IKBKG: variants seen among roughly 807,000 people sequenced by gnomAD.
IKBKG encodes inhibitor of nuclear factor kappa B kinase regulatory subunit gamma.
In IKBKG, 2 loss-of-function variants were observed where a neutral mutation model predicts 13.7. The ratio of observed to expected loss-of-function variants is 0.15; its 90% confidence interval spans 0.06 to 0.46. IKBKG has a LOEUF of 0.46. Among genes scored for constraint, IKBKG ranks in the 20% least tolerant of loss-of-function variants. The pLI is 0.98. For synonymous variants in IKBKG, 22 were observed against 64.4 expected (o/e 0.34, Z 3.15); for missense variants, 53 against 150.3 (o/e 0.35, Z 3.39).
exon 1 of IKBKG, chrX:154,541,280 C>A (rs1557231833): frequency 8.9e-6 from 1 of 112,038 alleles, no homozygotes; most frequent in African/African-American, 3.2e-5. Context: ...TTTGTTCCTG[C>A]TGCTCCCTTT....
upstream of IKBKG, chrX:154,546,005 C>G: frequency 8.3e-7 from 1 of 1,208,588 alleles, no homozygotes; most frequent in Non-Finnish European, 1.1e-6. Flanking sequence ...CACTTCCTGG[C>G]TTTTAAGATT....
At chrX:154,554,817 G>C (rs2071019005) in intron 2 of IKBKG, among the ~76,000 whole-genome samples, 1 of 111,918 alleles carries the variant, frequency 8.9e-6, no homozygotes, top group Admixed American at 9.5e-5. Context: ...ATTCTGATGG[G>C]GGGTGGATGT....
upstream of IKBKG, among the ~76,000 whole-genome samples, chrX:154,543,961 G>A (rs2070607368): frequency 9.4e-6 from 1 of 106,785 alleles, no homozygotes; most frequent in Non-Finnish European, 1.9e-5. Flanking sequence ...TCCGCCTCCC[G>A]AGTTCACGCC....
At chrX:154,551,502 A>G (rs1017808794) in intron 1 of IKBKG, among the ~76,000 whole-genome samples, 19 of 111,362 alleles carry the variant, frequency 1.7e-4, no homozygotes, top group East Asian at 2.8e-4. Context: ...GGGCCCACCC[A>G]CGTCACCCAG....
intron 2 of IKBKG, among the ~76,000 whole-genome samples, chrX:154,554,094 C>T (rs2071002584): frequency 8.8e-6 from 1 of 113,052 alleles, no homozygotes; most frequent in Non-Finnish European, 1.9e-5. Context: ...AACTTGGTAG[C>T]TCCATGTGTC....
chrX:154,545,992 A>G (rs782415403), upstream of IKBKG: 1 of 1,203,690 alleles, frequency 8.3e-7, no homozygotes, highest in African/African-American at 1.8e-5. Context: ...GGCATGGAGC[A>G]GGCACTTCCT....
intron 1 of IKBKG, among the ~76,000 whole-genome samples, chrX:154,551,326 A>G (rs1439844484): frequency 9.0e-6 from 1 of 110,667 alleles, no homozygotes; most frequent in Non-Finnish European, 1.9e-5. Flanking sequence ...CAAAGGCTCT[A>G]AGAGGGCAAT....
intron 1 of IKBKG, among the ~76,000 whole-genome samples, chrX:154,549,510 C>T (rs2070868470): frequency 9.3e-6 from 1 of 108,077 alleles, no homozygotes; most frequent in South Asian, 4.1e-4. Flanking sequence ...GAATTCCTGA[C>T]CTCAAGTGAT....
chrX:154,551,684 G>A (rs897635181), intron 1 of IKBKG, among the ~76,000 whole-genome samples: 2 of 111,209 alleles, frequency 1.8e-5, no homozygotes, highest in Non-Finnish European at 3.8e-5. Flanking sequence ...TAGGGGATCA[G>A]GATTCCCAGC....
intron 1 of IKBKG, among the ~76,000 whole-genome samples, chrX:154,549,602 G>A (rs2070871937): frequency 8.9e-6 from 1 of 111,761 alleles, no homozygotes; most frequent in African/African-American, 3.3e-5. Context: ...TTCAATAACA[G>A]CTTGAGATAT....
At chrX:154,546,300 G>A (rs1258200805), upstream of IKBKG, 1 of 848,446 alleles carries the variant, frequency 1.2e-6, no homozygotes, top group African/African-American at 2.0e-5. Context: ...TGAACGGCTG[G>A]GCATTGGGGA....
upstream of IKBKG, chrX:154,545,854 A>G: frequency 2.0e-6 from 1 of 496,039 alleles, no homozygotes; most frequent in Non-Finnish European, 3.3e-6. Context: ...AAAAAAAAAA[A>G]AAGTCTTGCA....
At chrX:154,552,431 G>A (rs2070959730) in intron 2 of IKBKG, among the ~76,000 whole-genome samples, 1 of 111,817 alleles carries the variant, frequency 8.9e-6, no homozygotes, top group Non-Finnish European at 1.9e-5. Flanking sequence ...GCACGCTGCC[G>A]GGTAGGCTCC....
Position 154,542,177 on chromosome X carries a change from G to A in IKBKG, c.-186-105G>A, listed in dbSNP as rs183383141. ...CCAATGGGGAAGTCAGCCCAGAAAT[G>A]TTCTGAGGAAAGGGGAGGCGGGGGC... On this transcript the variant is annotated intron_variant, in intron 1 of 10. Coordinates refer to the IKBKG transcript ENST00000422680. The A allele has an allele frequency of 3.7e-3, 2,208 of 591,470 alleles. 3 individuals are homozygous for A. The highest frequency in any genetic ancestry group is 5.3e-3 in the Non-Finnish European group (1,941 of 367,815). 48.7% of individuals were successfully genotyped at this position (591,470 alleles called of 1,213,427 possible). A position where few individuals can be genotyped will look rare whatever the true frequency, so the allele number is the denominator to read the frequency against.
At chrX:154,545,735 TGAGGCAGGA>T (rs1412272827), upstream of IKBKG, 2 of 271,878 alleles carry the variant, frequency 7.4e-6, no homozygotes, top group African/African-American at 5.9e-5. Flanking sequence ...CTTGGGGGGC[TGAGGCAGGA>T]GAATCGCTTG....
At chrX:154,547,965 C>T (rs2070800773) in intron 1 of IKBKG, 1 of 753,747 alleles carries the variant, frequency 1.3e-6, no homozygotes, top group Non-Finnish European at 1.6e-6. Flanking sequence ...ACTGCGGGGT[C>T]TGACCCTACT....
At chrX:154,550,260 ATGTGTG>A (rs781959969) in intron 1 of IKBKG, among the ~76,000 whole-genome samples, 3 of 94,091 alleles carry the variant, frequency 3.2e-5, no homozygotes, top group East Asian at 6.6e-4. Context: ...GTGTGTGTGT[ATGTGTG>A]TGTGTGTGTG....
At chrX:154,545,131 G>A (rs964736617), upstream of IKBKG, among the ~76,000 whole-genome samples, 4 of 111,296 alleles carry the variant, frequency 3.6e-5, no homozygotes, top group Admixed American at 9.5e-5. Context: ...AGTCTCGGGC[G>A]ATGGCTGTCC....
chrX:154,543,042 C>A (rs1475042988), upstream of IKBKG, among the ~76,000 whole-genome samples: 3 of 112,114 alleles, frequency 2.7e-5, no homozygotes, highest in Non-Finnish European at 5.6e-5. Context: ...ACCCTGCCTA[C>A]CTCCCGCACC....
Sources: gnomAD v4.1 joint callset for allele counts (sites outside exome capture counted in the v4.1 genomes callset) on GRCh38, gnomAD v4.1.1 for gene constraint, MANE v1.5 for transcripts, NCBI Gene and HGNC (gene_info 2026-07-23, HGNC 2026-07-21) for gene names.